Variants in WWOX observed in about 807,000 individuals in gnomAD.
The protein encoded by WWOX is WW domain containing oxidoreductase.
A neutral mutation model predicts 46.2 loss-of-function variants in WWOX; 69 were observed. The observed-to-expected ratio is 1.49, with a 90% CI of 1.23 to 1.82. The LOEUF (loss-of-function observed/expected upper bound fraction) is 1.82. WWOX is among the 40% of genes most tolerant of loss of function. The pLI is 0.00. For missense variants in WWOX, 919 were observed against 542.6 expected, an observed-to-expected ratio of 1.69 and a Z score of -6.89; for synonymous variants, 359 against 202.6, an observed-to-expected ratio of 1.77 and a Z score of -6.56.
chr16:78,670,588 T>C (rs1044153884), intron 8 of WWOX, among the ~76,000 whole-genome samples: 6 of 152,082 alleles, frequency 3.9e-5, no homozygotes, highest in African/African-American at 1.4e-4. Context: ...GTTGCTGTAC[T>C]AGATGAATAA....
intron 8 of WWOX, among the ~76,000 whole-genome samples, chr16:78,914,220 C>A (rs947872516): frequency 1.3e-5 from 2 of 151,996 alleles, no homozygotes; most frequent in African/African-American, 4.8e-5. Context: ...CTGATATTTT[C>A]TGTCTATCCA....
chr16:78,108,604 C>A, intron 2 of WWOX, 117 bp downstream of exon 2: 1 of 1,094,232 alleles, frequency 9.1e-7, no homozygotes, highest in Non-Finnish European at 1.4e-6. Flanking sequence ...GGTAGAGAAC[C>A]AGACTCCCAC....
At chr16:78,521,031 C>T in intron 8 of WWOX, among the ~76,000 whole-genome samples, 1 of 152,082 alleles carries the variant, frequency 6.6e-6, no homozygotes, top group South Asian at 2.1e-4. Context: ...CCTCCAGGCC[C>T]CTTCTGGAAA....
chr16:79,018,622 C>T (rs1309039810), intron 8 of WWOX, among the ~76,000 whole-genome samples: 1 of 152,072 alleles, frequency 6.6e-6, no homozygotes, highest in Non-Finnish European at 1.5e-5. Context: ...AAGACACCAC[C>T]ATTTCAAAGC....
chr16:78,909,591 G>C (rs780940632), intron 8 of WWOX, among the ~76,000 whole-genome samples: 35 of 152,276 alleles, frequency 2.3e-4, no homozygotes, highest in Non-Finnish European at 4.6e-4. Flanking sequence ...ATTTGACACA[G>C]AGGCTTTCTG....
intron 8 of WWOX, among the ~76,000 whole-genome samples, chr16:78,502,215 T>C (rs901406755): frequency 1.3e-5 from 2 of 152,186 alleles, no homozygotes; most frequent in African/African-American, 4.8e-5. Context: ...ACCATATAAT[T>C]CATCTGCTTA....
chr16:78,144,518 TA>T lies in WWOX; in HGVS notation c.410-19664del, dbSNP rs1345861914. Among the ~76,000 whole-genome samples the T allele has an allele frequency of 1.5e-3, 56 of 36,616 alleles. 1 individual carries two copies. The highest frequency in any genetic ancestry group is 4.0e-3 in the East Asian group (3 of 750). The allele number at this position is 36,616 out of a possible 152,430, so 24.0% of individuals were successfully genotyped here. Reference sequence around the variant, plus strand: ...ACACACACATATATATATATATATATATATATTTTTTTTTTTTTTTGGAGAT... The same window carrying T: ...ACACACACATATATATATATATATATTATATTTTTTTTTTTTTTTGGAGAT... On this transcript the variant is annotated intron_variant, in intron 4 of 8. Coordinates refer to ENST00000566780, the MANE Select transcript of WWOX (RefSeq NM_016373.4).
In WWOX at chr16:78,392,505, G is replaced by A. The variant is rs185849686; in HGVS notation, c.605+5557G>A. Reference sequence around the variant, plus strand: ...ACAATAAATGTCATCTGCTTGAATCGTCCCAAAGCCACCCCCACTCCTTTG... The same window carrying A: ...ACAATAAATGTCATCTGCTTGAATCATCCCAAAGCCACCCCCACTCCTTTG... On this transcript the variant is annotated intron_variant, in intron 6 of 8. Transcript: ENST00000566780. Among the ~76,000 whole-genome samples, 66 of 152,136 alleles carry A rather than the reference G, an allele frequency of 4.3e-4. No homozygotes were observed. The East Asian group carries it at 4.8e-3, about 11-fold the overall frequency.
At chr16:78,406,743 C>T (rs2082557710) in intron 6 of WWOX, among the ~76,000 whole-genome samples, 1 of 151,688 alleles carries the variant, frequency 6.6e-6, no homozygotes, top group Non-Finnish European at 1.5e-5. Flanking sequence ...TCTCCTGCCT[C>T]AGCCTCCCCA....
chr16:78,229,500 CTA>C (rs1202195249), intron 5 of WWOX, among the ~76,000 whole-genome samples: 204 of 110,530 alleles, frequency 1.8e-3, no homozygotes, highest in African/African-American at 6.3e-3. Context: ...ATATATTTAT[CTA>C]TATCTATATA....
intron 8 of WWOX, among the ~76,000 whole-genome samples, chr16:78,879,418 G>T (rs2656621): frequency 5.9e-5 from 9 of 151,572 alleles, no homozygotes; most frequent in Admixed American, 5.9e-4. Context: ...TGCCATAAGG[G>T]CAAAATCCAC....
chr16:78,979,671 C>G (rs201640870), intron 8 of WWOX, among the ~76,000 whole-genome samples: 2 of 152,098 alleles, frequency 1.3e-5, no homozygotes, highest in South Asian at 2.1e-4. Context: ...TGATCAGTAC[C>G]CATCTCTCAG....
intron 5 of WWOX, among the ~76,000 whole-genome samples, chr16:78,233,809 G>C (rs2037349952): frequency 1.3e-5 from 2 of 152,128 alleles, no homozygotes; most frequent in Admixed American, 1.3e-4. Context: ...TTACAGGCGT[G>C]AGCCACCGTG....
rs532232750 is a variant in WWOX, at chr16:78,212,665, C to G, written c.516+48376C>G. Among the ~76,000 whole-genome samples, 5 of 152,166 alleles carry G rather than the reference C, an allele frequency of 3.3e-5. No homozygotes were observed. The South Asian group carries it at 1.0e-3, about 32-fold the overall frequency. ...GAGGGTATGCAGCATAGAGAGGAAC[C>G]AAAAAGGACGCAAGATTTAGGATAG... is the stretch of plus-strand genomic sequence containing the variant. On this transcript the variant is annotated intron_variant, in intron 5 of 8. Transcript: ENST00000566780.
At chr16:78,723,622 CT>C (rs2048751486) in intron 8 of WWOX, among the ~76,000 whole-genome samples, 4 of 119,878 alleles carry the variant, frequency 3.3e-5, no homozygotes, top group African/African-American at 1.3e-4. Context: ...CTTTTCTTTT[CT>C]TTTCTTTTTT....
chr16:78,270,316 A>C (rs1419171020), intron 5 of WWOX: 1 of 152,218 alleles, frequency 6.6e-6, no homozygotes, highest in African/African-American at 2.4e-5. Context: ...TCTAGCAAAG[A>C]AACTTGCAAG....
At chr16:79,025,217 C>T (rs762152603) in intron 8 of WWOX, among the ~76,000 whole-genome samples, 28 of 152,268 alleles carry the variant, frequency 1.8e-4, no homozygotes, top group Middle Eastern at 3.4e-3. Context: ...GAGGCTGGGG[C>T]AGGGAGATTA....
At chr16:78,617,710 C>T (rs1385806046) in intron 8 of WWOX, among the ~76,000 whole-genome samples, 1 of 152,096 alleles carries the variant, frequency 6.6e-6, no homozygotes, top group African/African-American at 2.4e-5. Context: ...CTTCCCAGTC[C>T]CAGGAAATCT....
At position 79,103,772 on chromosome 16, in the gene WWOX, C is replaced by G. The variant is rs1457356307; in HGVS notation, c.1057-107836C>G. Among the ~76,000 whole-genome samples, 4 of 152,014 alleles carry G rather than the reference C, an allele frequency of 2.6e-5. No individual in the cohort carries two copies. In the South Asian group the frequency reaches 8.3e-4, roughly 31 times the overall value. ...GTTCAAGGCATTCAGTTTCTGAGTC[C>G]TCAAGGATGGTAAGGAGAGCTGCAA... On this transcript the variant is annotated intron_variant, in intron 8 of 8. Coordinates refer to ENST00000566780, the MANE Select transcript of WWOX (RefSeq NM_016373.4).
Sources: gnomAD v4.1 joint callset for allele counts (sites outside exome capture counted in the v4.1 genomes callset) on GRCh38, gnomAD v4.1.1 for gene constraint, MANE v1.5 for transcripts, NCBI Gene and HGNC (gene_info 2026-07-23, HGNC 2026-07-21) for gene names.